Variants in ZNF804B observed in about 807,000 individuals in gnomAD.
ZNF804B encodes the protein zinc finger protein 804B.
A neutral mutation model predicts 101.4 loss-of-function variants in ZNF804B; 80 were observed. The observed-to-expected ratio is 0.79, with a 90% CI of 0.66 to 0.95. ZNF804B has a LOEUF of 0.95. Ranked by LOEUF, ZNF804B falls within the 40% of genes least tolerant of loss-of-function variation. ZNF804B has a pLI of 0.00. For synonymous variants in ZNF804B, 622 were observed against 558.8 expected (o/e 1.11, Z -1.59); for missense variants, 1,673 against 1,561.9 (o/e 1.07, Z -1.20).
Position 89,337,995 on chromosome 7 carries a change from T to C in ZNF804B, c.*963T>C, listed in dbSNP as rs1791130034. 6.6e-6 allele frequency among the ~76,000 whole-genome samples: 1 copy of C among 152,084 alleles called. No homozygotes were observed. Among genetic ancestry groups the C allele is most frequent in the South Asian group, 2.1e-4 (1 of 4,838 alleles). On this transcript the variant is annotated 3_prime_UTR_variant, in exon 4 of 4. Transcript: ENST00000333190. ...CTTATTAAATATCTGGTGTGTTTTATTCAATTGTACTAGATATTTATGAAA... is the reference window on the plus strand; with the variant it reads ...CTTATTAAATATCTGGTGTGTTTTACTCAATTGTACTAGATATTTATGAAA...
chr7:88,974,834 A>G (rs1460092332), intron 1 of ZNF804B, among the ~76,000 whole-genome samples: 1 of 151,374 alleles, frequency 6.6e-6, no homozygotes, highest in Admixed American at 6.6e-5. Flanking sequence ...ATAATAAATT[A>G]TTGTTGACGG....
chr7:89,274,224 T>A (rs1373782707), intron 2 of ZNF804B, among the ~76,000 whole-genome samples: 3 of 147,330 alleles, frequency 2.0e-5, no homozygotes, highest in Non-Finnish European at 4.5e-5. Flanking sequence ...GTTAGTTACA[T>A]ATGTATACAT....
At chr7:89,191,422 T>A (rs1788453929) in intron 1 of ZNF804B, among the ~76,000 whole-genome samples, 1 of 152,100 alleles carries the variant, frequency 6.6e-6, no homozygotes, top group African/African-American at 2.4e-5. Context: ...CAAGAAATTA[T>A]CTTTAATAAC....
chr7:88,788,594 T>A (rs1586902577), intron 1 of ZNF804B, among the ~76,000 whole-genome samples: 1 of 152,176 alleles, frequency 6.6e-6, no homozygotes, highest in African/African-American at 2.4e-5. Flanking sequence ...TTTTGTTTCC[T>A]CTTCCAGAGT....
chr7:89,262,113 C>G (rs1789720303), intron 2 of ZNF804B, among the ~76,000 whole-genome samples: 2 of 152,180 alleles, frequency 1.3e-5, no homozygotes, highest in Non-Finnish European at 2.9e-5. Flanking sequence ...TGTGAACTTC[C>G]AAAACACTCA....
At chr7:88,876,568 C>A (rs1355973726) in intron 1 of ZNF804B, among the ~76,000 whole-genome samples, 1 of 152,122 alleles carries the variant, frequency 6.6e-6, no homozygotes, top group African/African-American at 2.4e-5. Context: ...TCAATGAGTT[C>A]TCTGACCACT....
intron 1 of ZNF804B, among the ~76,000 whole-genome samples, chr7:89,146,234 C>A (rs1306013011): frequency 6.6e-6 from 1 of 152,000 alleles, no homozygotes; most frequent in Non-Finnish European, 1.5e-5. Context: ...GAAAAAAGAT[C>A]TTATAGCTTA....
At chr7:89,200,908 A>G (rs73395302) in intron 1 of ZNF804B, among the ~76,000 whole-genome samples, 1,889 of 151,952 alleles carry the variant, frequency 0.012, 34 homozygotes, top group African/African-American at 0.042. Context: ...CTTCTCATGT[A>G]TGTTTTACTT....
intron 1 of ZNF804B, among the ~76,000 whole-genome samples, chr7:88,860,984 G>A (rs1791636109): frequency 6.6e-6 from 1 of 152,110 alleles, no homozygotes; most frequent in Non-Finnish European, 1.5e-5. Flanking sequence ...GTCTATTACA[G>A]AATCACACTA....
At chr7:89,160,795 G>T in intron 1 of ZNF804B, among the ~76,000 whole-genome samples, 1 of 152,000 alleles carries the variant, frequency 6.6e-6, no homozygotes, top group East Asian at 1.9e-4. Context: ...CCCTCTTCAT[G>T]CTAAGAACAT....
chr7:88,898,550 T>C (rs546011255), intron 1 of ZNF804B, among the ~76,000 whole-genome samples: 125 of 152,128 alleles, frequency 8.2e-4, no homozygotes, highest in Middle Eastern at 3.4e-3. Context: ...AATCCAAATA[T>C]AGTTATCATG....
intron 1 of ZNF804B, among the ~76,000 whole-genome samples, chr7:88,846,042 G>T (rs1791368429): frequency 6.6e-6 from 1 of 152,196 alleles, no homozygotes; most frequent in Admixed American, 6.5e-5. Flanking sequence ...AGCTTTCAGT[G>T]CAGAAAGGCA....
rs1791190909 is a variant in ZNF804B at position 89,169,301 on chromosome 7, A to G, written c.109-48854A>G. On this transcript the variant is annotated intron_variant, in intron 1 of 3. Coordinates refer to ENST00000333190, the MANE Select transcript of ZNF804B (RefSeq NM_181646.5). ...AAAACAGAGCTCCCATAGGGGACCC[A>G]AGGGGGTTGCCACTCGCGGCTCGAA... Among the ~76,000 whole-genome samples the G allele has an allele frequency of 2.0e-5, 3 of 152,288 alleles. No individual in the cohort carries two copies. In the South Asian group the frequency reaches 6.2e-4, roughly 32 times the overall value.
At chr7:88,821,030 C>G (rs186444760) in intron 1 of ZNF804B, among the ~76,000 whole-genome samples, 2 of 152,290 alleles carry the variant, frequency 1.3e-5, no homozygotes, top group East Asian at 3.9e-4. Flanking sequence ...TTGCTCAAAC[C>G]TCCATGGGTA....
At chr7:89,154,980 C>A (rs1157708576) in intron 1 of ZNF804B, among the ~76,000 whole-genome samples, 1 of 151,996 alleles carries the variant, frequency 6.6e-6, no homozygotes, top group Non-Finnish European at 1.5e-5. Flanking sequence ...TTACATATTA[C>A]ATGCCTATAT....
At chr7:88,961,347 C>T (rs11765606) in intron 1 of ZNF804B, among the ~76,000 whole-genome samples, 7,648 of 151,194 alleles carry the variant, frequency 0.051, 274 homozygotes, top group Non-Finnish European at 0.073. Flanking sequence ...TAATCTTTAA[C>T]GTGGTTGTTT....
At chr7:89,084,318 G>C (rs1438770118) in intron 1 of ZNF804B, among the ~76,000 whole-genome samples, 3 of 151,870 alleles carry the variant, frequency 2.0e-5, no homozygotes, top group Non-Finnish European at 4.4e-5. Context: ...TCAAGAGAAA[G>C]CTCAAATCCT....
chr7:88,782,590 C>T (rs1221752520), intron 1 of ZNF804B, among the ~76,000 whole-genome samples: 2 of 152,076 alleles, frequency 1.3e-5, no homozygotes, highest in Non-Finnish European at 1.5e-5. Flanking sequence ...CTAGGAGTCT[C>T]CTTCATCAAA....
At chr7:88,834,381 C>T (rs556218125) in intron 1 of ZNF804B, among the ~76,000 whole-genome samples, 20 of 151,838 alleles carry the variant, frequency 1.3e-4, no homozygotes, top group South Asian at 6.2e-4. Context: ...CATATTAATT[C>T]GTGCTTTAGA....
Sources: gnomAD v4.1 joint callset for allele counts (sites outside exome capture counted in the v4.1 genomes callset) on GRCh38, gnomAD v4.1.1 for gene constraint, MANE v1.5 for transcripts, NCBI Gene and HGNC (gene_info 2026-07-23, HGNC 2026-07-21) for gene names.